ZFHX3: variants seen among roughly 807,000 people sequenced by gnomAD.
The protein encoded by ZFHX3 is zinc finger homeobox 3, also known as zinc finger homeobox protein 3.
A neutral mutation model predicts 279.1 loss-of-function variants in ZFHX3; 42 were observed. The ratio of observed to expected loss-of-function variants is 0.15; its 90% CI spans 0.12 to 0.19. The LOEUF (loss-of-function observed/expected upper bound fraction) is 0.19. ZFHX3 is among the 10% of genes least tolerant of loss of function. The pLI is 1.00. For missense variants in ZFHX3, 4,981 were observed against 4,754.0 expected (o/e 1.05, Z -1.40); for synonymous variants, 2,293 against 1,957.8 (o/e 1.17, Z -4.52).
rs576905163 is a variant in ZFHX3 at position 72,962,322 on chromosome 16, T to C, written c.-49-2128A>G. Among the ~76,000 whole-genome samples the C allele has an allele frequency of 2.0e-5, 3 of 152,286 alleles. No homozygotes were observed. The East Asian group carries it at 5.8e-4, about 29-fold the overall frequency. On this transcript the variant is annotated intron_variant, in intron 1 of 9. Transcript: ENST00000268489. ...GTTCTCCTCTTATTCCTCCTCCTCTTCCACAAACTATCCAGCCAAGAGGCT... is the reference window on the plus strand; with the variant it reads ...GTTCTCCTCTTATTCCTCCTCCTCTCCCACAAACTATCCAGCCAAGAGGCT...
chr16:72,895,132 C>T (rs543824837), intron 3 of ZFHX3, among the ~76,000 whole-genome samples: 6 of 152,340 alleles, frequency 3.9e-5, no homozygotes, highest in African/African-American at 1.4e-4. Context: ...CACGCGCACA[C>T]ACATGTGAGC....
intron 3 of ZFHX3, among the ~76,000 whole-genome samples, chr16:73,403,407 T>A (rs2017297239): frequency 6.6e-6 from 1 of 152,206 alleles, no homozygotes; most frequent in Non-Finnish European, 1.5e-5. Context: ...TTAGCCCGCT[T>A]TGCGGTATGC....
chr16:73,108,702 T>G (rs539377478), intron 7 of ZFHX3, among the ~76,000 whole-genome samples: 96 of 152,332 alleles, frequency 6.3e-4, no homozygotes, highest in Middle Eastern at 3.4e-3. Context: ...CTGAAGTGAC[T>G]CTGGCCTTCT....
chr16:73,127,261 G>A lies in ZFHX3; in HGVS notation c.-897+3707C>T, dbSNP rs112025829. On this transcript the variant is annotated intron_variant, in intron 7 of 17. Transcript: ENST00000641206. ...GTATCGATCAGAGCTAAAGGCTGCC[G>A]ATAGGAATGTGGAGGAAACTGACAG... The A allele has an allele frequency of 1.6e-4, 186 of 1,133,944 alleles. 1 individual carries two copies. The African/African-American group carries it at 2.5e-3, about 15-fold the overall frequency. The allele number at this position is 1,133,944 out of a possible 1,614,324, so 70.2% of individuals were successfully genotyped here.
At position 73,835,458 on chromosome 16, in the gene ZFHX3, CTTTTTTTTTTTTTTTT is replaced by C. The variant is rs34127285; in HGVS notation, c.-1608+56177_-1608+56192del. ...ACTTTCCTCCACCATCCCTCTTCTGCTTTTTTTTTTTTTTTTTTTTTTTTTTTTTGAGATGGAGTTT... is the reference window on the plus strand; with the variant it reads ...ACTTTCCTCCACCATCCCTCTTCTGCTTTTTTTTTTTTTGAGATGGAGTTT... On this transcript the variant is annotated intron_variant, in intron 1 of 17. Coordinates refer to the ZFHX3 transcript ENST00000641206. Among the ~76,000 whole-genome samples, 287 of 49,538 alleles carry C rather than the reference CTTTTTTTTTTTTTTTT, an allele frequency of 5.8e-3. 7 individuals are homozygous for C. The highest frequency in any genetic ancestry group is 0.019 in the African/African-American group (273 of 14,216). 32.5% of individuals were successfully genotyped at this position (49,538 alleles called of 152,430 possible).
chr16:72,917,713 A>G (rs1307140974), intron 3 of ZFHX3, among the ~76,000 whole-genome samples: 2 of 152,236 alleles, frequency 1.3e-5, no homozygotes, highest in East Asian at 3.8e-4. Context: ...AAAATGACAT[A>G]TACCAAAATG....
chr16:73,423,758 G>T (rs2017760391), intron 3 of ZFHX3, among the ~76,000 whole-genome samples: 1 of 151,914 alleles, frequency 6.6e-6, no homozygotes, highest in Non-Finnish European at 1.5e-5. Flanking sequence ...GCTACTCAGT[G>T]GGCTGAGGCA....
At chr16:73,297,954 G>C (rs565313345) in intron 4 of ZFHX3, among the ~76,000 whole-genome samples, 1 of 151,806 alleles carries the variant, frequency 6.6e-6, no homozygotes, top group South Asian at 2.1e-4. Flanking sequence ...GGAGGCTGAG[G>C]GGGGAAGGTC....
chr16:73,295,872 C>G (rs1318826961), intron 4 of ZFHX3, among the ~76,000 whole-genome samples: 4 of 152,184 alleles, frequency 2.6e-5, no homozygotes, highest in African/African-American at 4.8e-5. Flanking sequence ...ACCCAACAGG[C>G]ACCTCCTCTG....
chr16:72,975,550 AC>A (rs1442901062), intron 1 of ZFHX3, among the ~76,000 whole-genome samples: 2 of 152,214 alleles, frequency 1.3e-5, no homozygotes, highest in Non-Finnish European at 2.9e-5. Context: ...TCTCCATCCC[AC>A]ATGGTAATTA....
intron 5 of ZFHX3, among the ~76,000 whole-genome samples, chr16:73,144,896 T>C (rs1966856825): frequency 6.6e-6 from 1 of 152,232 alleles, no homozygotes. Context: ...TCAACCTAAC[T>C]ACCCTGGCAT....
chr16:73,759,757 A>G (rs2053844364), intron 1 of ZFHX3, among the ~76,000 whole-genome samples: 1 of 152,150 alleles, frequency 6.6e-6, no homozygotes, highest in Non-Finnish European at 1.5e-5. Context: ...CAATTCTATA[A>G]GCTATGCCCT....
Position 72,783,421 on chromosome 16 carries a change from AT to A in ZFHX3, c.*3742del, listed in dbSNP as rs1365378985. 7 of 152,574 alleles carry A rather than the reference AT, an allele frequency of 4.6e-5. No individual in the cohort carries two copies. Among genetic ancestry groups the A allele is most frequent in the East Asian group, 1.9e-4 (1 of 5,206 alleles). The allele number at this position is 152,574 out of a possible 1,614,324, so 9.5% of individuals were successfully genotyped here. A position where few individuals can be genotyped will look rare whatever the true frequency, so the allele number is the denominator to read the frequency against. On this transcript the variant is annotated 3_prime_UTR_variant, in exon 10 of 10. Transcript: ENST00000268489. Reference sequence around the variant, plus strand: ...TGTTTTAATTTATTATTTAAAAAAAATATATGTCCATGAACATCAAGTGCAC... The same window carrying A: ...TGTTTTAATTTATTATTTAAAAAAAAATATGTCCATGAACATCAAGTGCAC...
At chr16:73,019,375 C>T (rs933313571) in intron 1 of ZFHX3, among the ~76,000 whole-genome samples, 1 of 150,888 alleles carries the variant, frequency 6.6e-6, no homozygotes, top group Non-Finnish European at 1.5e-5. Flanking sequence ...TGTGCGTGTG[C>T]GTGTGCGTGT....
intron 1 of ZFHX3, among the ~76,000 whole-genome samples, chr16:73,026,724 A>G (rs1381076924): frequency 6.7e-6 from 1 of 150,152 alleles, no homozygotes; most frequent in Non-Finnish European, 1.5e-5. Context: ...CTCATTTAAT[A>G]GTAAACACTT....
chr16:73,395,734 A>T lies in ZFHX3; in HGVS notation c.-1291+60269T>A, dbSNP rs536707624. On this transcript the variant is annotated intron_variant, in intron 3 of 17. Transcript: ENST00000641206. ...TAAGTGATTATGTGCCTAATACTTT[A>T]AAAAGGCCTATAGACTTGAACCTCA... Among the ~76,000 whole-genome samples the T allele has an allele frequency of 5.3e-5, 8 of 152,224 alleles. No homozygotes were observed. The South Asian group carries it at 1.5e-3, about 28-fold the overall frequency.
intron 1 of ZFHX3, among the ~76,000 whole-genome samples, chr16:73,753,949 C>G (rs1483391484): frequency 7.1e-6 from 1 of 141,600 alleles, no homozygotes; most frequent in Non-Finnish European, 1.5e-5. Context: ...TAGACTATAA[C>G]TGCTGCAAAT....
At chr16:73,242,862 T>A (rs1252419253) in intron 5 of ZFHX3, among the ~76,000 whole-genome samples, 1 of 151,956 alleles carries the variant, frequency 6.6e-6, no homozygotes, top group Admixed American at 6.6e-5. Context: ...GGGTAGAGGG[T>A]AAGATAGCAC....
At chr16:73,047,267 T>G (rs772661273) in intron 1 of ZFHX3, among the ~76,000 whole-genome samples, 9 of 150,148 alleles carry the variant, frequency 6.0e-5, no homozygotes, top group Non-Finnish European at 1.3e-4. Flanking sequence ...TTTCCAAGAG[T>G]GCGAAAAAAC....
Sources: gnomAD v4.1 joint callset for allele counts (sites outside exome capture counted in the v4.1 genomes callset) on GRCh38, gnomAD v4.1.1 for gene constraint, MANE v1.5 for transcripts, NCBI Gene and HGNC (gene_info 2026-07-23, HGNC 2026-07-21) for gene names.